The following HPCAL1 variants were observed in gnomAD, a reference collection of about 807,000 sequenced individuals.
The protein encoded by HPCAL1 is hippocalcin like 1.
A neutral mutation model predicts 17.1 loss-of-function variants in HPCAL1; 8 were observed. The ratio of observed to expected loss-of-function variants is 0.47; its 90% confidence interval spans 0.27 to 0.84. HPCAL1 has a LOEUF of 0.84. Among genes scored for constraint, HPCAL1 ranks in the 40% least tolerant of loss-of-function variants. HPCAL1 has a pLI of 0.13. For synonymous variants in HPCAL1, 112 were observed against 111.4 expected, an observed-to-expected ratio of 1.01 and a Z score of -0.03; for missense variants, 165 against 271.1, an observed-to-expected ratio of 0.61 and a Z score of 2.75.
At chr2:10,357,636 G>A (rs577540383) in intron 1 of HPCAL1, among the ~76,000 whole-genome samples, 5 of 152,310 alleles carry the variant, frequency 3.3e-5, no homozygotes, top group African/African-American at 1.2e-4. Context: ...GCAGAAAGCC[G>A]ATGTTCTTGT....
intron 2 of HPCAL1, among the ~76,000 whole-genome samples, chr2:10,397,231 G>A (rs568610391): frequency 6.6e-6 from 1 of 152,080 alleles, no homozygotes; most frequent in East Asian, 1.9e-4. Context: ...GATTTGTCAG[G>A]GGAATGAGGG....
chr2:10,369,951 CCTT>C (rs1019540407), intron 1 of HPCAL1, among the ~76,000 whole-genome samples: 4 of 152,238 alleles, frequency 2.6e-5, no homozygotes, highest in African/African-American at 9.6e-5. Flanking sequence ...ACAACTTTCT[CCTT>C]CTATACTTAG....
In HPCAL1 at chr2:10,331,314, C is replaced by T. The variant is rs1047879543; in HGVS notation, c.-111+28137C>T. On this transcript the variant is annotated intron_variant, in intron 1 of 4. Coordinates refer to ENST00000307845, the MANE Select transcript of HPCAL1 (RefSeq NM_002149.4). This position sits in a 1 kb window ranked among gnomAD's most constrained non-coding sequence, Gnocchi z 5.0. Reference sequence around the variant, plus strand: ...ACAGGCGCCCTTCCTGTCACCCGAGCGCCCTCTCCTTCCTCACCTCGCCAC... The same window carrying T: ...ACAGGCGCCCTTCCTGTCACCCGAGTGCCCTCTCCTTCCTCACCTCGCCAC... Among the ~76,000 whole-genome samples the T allele has an allele frequency of 3.3e-5, 5 of 152,138 alleles. No individual in the cohort carries two copies. Among genetic ancestry groups the T allele is most frequent in the African/African-American group, 7.2e-5 (3 of 41,434 alleles).
intron 2 of HPCAL1, among the ~76,000 whole-genome samples, chr2:10,414,258 G>C (rs1027443469): frequency 1.3e-5 from 2 of 152,234 alleles, no homozygotes; most frequent in African/African-American, 2.4e-5. Context: ...GTCAGCTGTA[G>C]GTCAGTTCCC....
In HPCAL1 at chr2:10,426,891, T is replaced by G; in HGVS notation, c.*70T>G. ...GCCGTTTAAGCTTTGCTTGCAAGAGTGGATGCCCCGCAATCGTTCCTGCTC... is the reference window on the plus strand; with the variant it reads ...GCCGTTTAAGCTTTGCTTGCAAGAGGGGATGCCCCGCAATCGTTCCTGCTC... On this transcript the variant is annotated 3_prime_UTR_variant, in exon 5 of 5. Transcript: ENST00000307845. The G allele has an allele frequency of 7.2e-7, 1 of 1,395,004 alleles. No homozygotes were observed. Among genetic ancestry groups the G allele is most frequent in the Non-Finnish European group, 1.0e-6 (1 of 985,032 alleles). 86.4% of individuals were successfully genotyped at this position (1,395,004 alleles called of 1,614,324 possible). A position where few individuals can be genotyped will look rare whatever the true frequency, so the allele number is the denominator to read the frequency against.
chr2:10,404,347 C>T (rs1669839273), intron 2 of HPCAL1, among the ~76,000 whole-genome samples: 1 of 152,212 alleles, frequency 6.6e-6, no homozygotes, highest in African/African-American at 2.4e-5. Flanking sequence ...TGGAATGCCC[C>T]TCACCCCGTC....
At chr2:10,350,104 T>G (rs1457296789) in intron 1 of HPCAL1, among the ~76,000 whole-genome samples, 3 of 152,184 alleles carry the variant, frequency 2.0e-5, no homozygotes, top group African/African-American at 7.2e-5. Context: ...TGCATAAAAT[T>G]TAATTAACTT....
At chr2:10,424,011 T>A (rs1235257510) in intron 4 of HPCAL1, 1 of 155,002 alleles carries the variant, frequency 6.5e-6, no homozygotes, top group African/African-American at 2.4e-5. Context: ...GAGAATGGTG[T>A]GAACCCGGGA....
intron 1 of HPCAL1, among the ~76,000 whole-genome samples, chr2:10,325,132 C>G (rs529901337): frequency 6.6e-6 from 1 of 151,864 alleles, no homozygotes; most frequent in East Asian, 1.9e-4. Flanking sequence ...TGTGCCCAGC[C>G]GGGTTGCTGT....
rs905637814 is a variant in HPCAL1, at chr2:10,331,932, G to A, written c.-111+28755G>A. ...CTCCTCATCACCTGTTGTCATTTATGAGCCCCGTGTCACCTGTTGTTGCTT... is the reference window on the plus strand; with the variant it reads ...CTCCTCATCACCTGTTGTCATTTATAAGCCCCGTGTCACCTGTTGTTGCTT... On this transcript the variant is annotated intron_variant, in intron 1 of 4. Coordinates refer to ENST00000307845, the MANE Select transcript of HPCAL1 (RefSeq NM_002149.4). The surrounding 1 kb of genome is among the most constrained non-coding windows in gnomAD (Gnocchi z 5.0). Among the ~76,000 whole-genome samples, 5 of 151,450 alleles carry A rather than the reference G, an allele frequency of 3.3e-5. No homozygotes were observed. The highest frequency in any genetic ancestry group is 1.2e-4 in the African/African-American group (5 of 41,158).
chr2:10,404,199 T>TCA (rs1669826727), intron 2 of HPCAL1, among the ~76,000 whole-genome samples: 1 of 152,126 alleles, frequency 6.6e-6, no homozygotes, highest in African/African-American at 2.4e-5. Context: ...CTACACACTT[T>TCA]GAAAACACCC....
At position 10,367,806 on chromosome 2, in the gene HPCAL1, G is replaced by T. The variant is rs999048055; in HGVS notation, c.-110-29029G>T. 1.3e-5 allele frequency among the ~76,000 whole-genome samples: 2 copies of T among 152,110 alleles called. No individual in the cohort carries two copies. The highest frequency in any genetic ancestry group is 2.9e-5 in the Non-Finnish European group (2 of 68,020). On this transcript the variant is annotated intron_variant, in intron 1 of 4. Transcript: ENST00000307845. The surrounding 1 kb of genome is among the most constrained non-coding windows in gnomAD (Gnocchi z 4.4). The stretch of plus-strand genomic sequence containing the variant: ...AGCCTCTGCTGCTGCGGCCACCCTC[G>T]CCGGCCCTGGATCCCCACACAGTGT...
chr2:10,378,786 G>C (rs1667753114), intron 1 of HPCAL1, among the ~76,000 whole-genome samples: 2 of 152,270 alleles, frequency 1.3e-5, no homozygotes, highest in African/African-American at 4.8e-5. Context: ...TGTTTGCTGG[G>C]CACCTGAGCT....
chr2:10,406,375 T>G (rs981151824), intron 2 of HPCAL1: 10 of 152,378 alleles, frequency 6.6e-5, no homozygotes, highest in African/African-American at 2.4e-4. Flanking sequence ...AGTCTCTTCA[T>G]GCCCATCACT....
At chr2:10,373,590 T>C (rs914914398) in intron 1 of HPCAL1, among the ~76,000 whole-genome samples, 4 of 152,142 alleles carry the variant, frequency 2.6e-5, no homozygotes, top group Admixed American at 1.3e-4. Flanking sequence ...TTGTTTTTTG[T>C]TTTTTTATGT....
intron 1 of HPCAL1, among the ~76,000 whole-genome samples, chr2:10,390,299 C>T (rs1668607955): frequency 1.3e-5 from 2 of 152,314 alleles, no homozygotes; most frequent in East Asian, 1.9e-4. Flanking sequence ...CCTCAGGACA[C>T]ATAGGCTCCT....
intron 1 of HPCAL1, among the ~76,000 whole-genome samples, chr2:10,333,142 T>C (rs1664494770): frequency 1.3e-5 from 2 of 152,236 alleles, no homozygotes; most frequent in Admixed American, 1.3e-4. Flanking sequence ...AATCAGCCTC[T>C]TGGGCATTGT....
chr2:10,308,033 G>T (rs1662732117), intron 1 of HPCAL1, among the ~76,000 whole-genome samples: 1 of 152,158 alleles, frequency 6.6e-6, no homozygotes, highest in African/African-American at 2.4e-5. Flanking sequence ...TGGGCTGGGG[G>T]TTGTATGTGG....
At chr2:10,341,519 T>C (rs893737676) in intron 1 of HPCAL1, among the ~76,000 whole-genome samples, 11 of 151,586 alleles carry the variant, frequency 7.3e-5, no homozygotes, top group Non-Finnish European at 1.5e-4. Context: ...GCCTTCTTTA[T>C]AGTAGGCTCA....
Sources: gnomAD v4.1 joint callset for allele counts (sites outside exome capture counted in the v4.1 genomes callset) on GRCh38, gnomAD v4.1.1 for gene constraint, Gnocchi (gnomAD v3.1) non-coding constraint, MANE v1.5 for transcripts, NCBI Gene and HGNC (gene_info 2026-07-23, HGNC 2026-07-21) for gene names.